Variants in NOTUM observed in about 807,000 individuals in gnomAD.
NOTUM encodes the protein palmitoleoyl-protein carboxylesterase NOTUM.
A neutral mutation model predicts 65.5 loss-of-function variants in NOTUM; 36 were observed. That is an observed-to-expected ratio of 0.55 (90% CI 0.42 to 0.73). The LOEUF is 0.73. Among genes scored for constraint, NOTUM ranks in the 30% least tolerant of loss-of-function variants. The pLI is 0.00. For missense variants in NOTUM, 659 were observed against 694.2 expected (o/e 0.95, Z 0.57); for synonymous variants, 356 against 297.9 (o/e 1.20, Z -2.01).
Position 81,953,205 on chromosome 17 carries a change from C to T in NOTUM, c.1247G>A (p.Arg416Lys). 6.2e-7 allele frequency: 1 copy of T among 1,612,870 alleles called. No individual in the cohort carries two copies. The change falls in exon 11 of 11, where the codon AGG becomes AAG. Residue 416 changes from arginine (R) to lysine (K), a missense_variant. By Grantham distance (26) the Arg-to-Lys change is conservative. Transcript: ENST00000409678. ...SLPRALHCWD[R>K]SLHDSHKASK... ...GGCCTTGTGGCTGTCATGGAGGCTCCTGTCCCAGCAGTGCAGTGCTCGGGG... is the reference window on the plus strand; with the variant it reads ...GGCCTTGTGGCTGTCATGGAGGCTCTTGTCCCAGCAGTGCAGTGCTCGGGG...
rs1023677903 is a variant in NOTUM at position 81,952,795 on chromosome 17, G to A, written c.*166C>T. ...TGTCTCTGGCTGGGCTGTGGGAGAG[G>A]GGCAGGGAAAGCCGGGGCAGGAGGG... On this transcript the variant is annotated 3_prime_UTR_variant, in exon 11 of 11. Coordinates refer to ENST00000409678, the MANE Select transcript of NOTUM (RefSeq NM_178493.6). 9 of 635,940 alleles carry A rather than the reference G, an allele frequency of 1.4e-5. No individual in the cohort carries two copies. Among genetic ancestry groups the A allele is most frequent in the Non-Finnish European group, 2.2e-5 (8 of 361,526 alleles). 39.4% of individuals were successfully genotyped at this position (635,940 alleles called of 1,614,324 possible). A position where few individuals can be genotyped will look rare whatever the true frequency, so the allele number is the denominator to read the frequency against.
At chr17:81,953,976 C>T (rs2041408561) in intron 10 of NOTUM, among the ~76,000 whole-genome samples, 1 of 151,906 alleles carries the variant, frequency 6.6e-6, no homozygotes, top group African/African-American at 2.4e-5. Context: ...CAGGGTTTCA[C>T]TATATTGGCC....
intron 6 of NOTUM, among the ~76,000 whole-genome samples, chr17:81,957,391 T>A (rs2041441505): frequency 6.6e-6 from 1 of 151,958 alleles, no homozygotes; most frequent in Non-Finnish European, 1.5e-5. Context: ...TCAGGCCCCA[T>A]CATCTATTCC....
At chr17:81,953,885 G>A (rs939967373) in intron 10 of NOTUM, among the ~76,000 whole-genome samples, 2 of 151,444 alleles carry the variant, frequency 1.3e-5, no homozygotes, top group South Asian at 2.1e-4. Flanking sequence ...AGGTTCAAGC[G>A]ATTCTCCTGC....
Position 81,960,507 on chromosome 17 carries a change from C to A in NOTUM, c.323+80G>T. On this transcript the variant is annotated intron_variant, in intron 1 of 10. Coordinates refer to ENST00000409678, the MANE Select transcript of NOTUM (RefSeq NM_178493.6). This position sits in a 1 kb window ranked among gnomAD's most constrained non-coding sequence, Gnocchi z 6.4. ...AAGCCCTTTCTCCCCGGGGAGAGAA[C>A]GGCCGCGGCCCGCAGGGAAGGTCCA... is the stretch of plus-strand genomic sequence containing the variant. The A allele has an allele frequency of 9.5e-7, 1 of 1,055,284 alleles. No individual in the cohort carries two copies. The highest frequency in any genetic ancestry group is 1.8e-5 in the South Asian group (1 of 55,022). 65.4% of individuals were successfully genotyped at this position (1,055,284 alleles called of 1,614,324 possible). A position where few individuals can be genotyped will look rare whatever the true frequency, so the allele number is the denominator to read the frequency against.
intron 4 of NOTUM, among the ~76,000 whole-genome samples, chr17:81,958,706 T>A (rs921272689): frequency 6.8e-6 from 1 of 147,640 alleles, no homozygotes; most frequent in African/African-American, 2.5e-5. Flanking sequence ...AAGGACCATC[T>A]CAGGATAGAC....
rs974889235 is a variant in NOTUM, at chr17:81,961,091, G to C, written c.-182C>G. 3.3e-4 allele frequency: 53 copies of C among 162,912 alleles called. No individual in the cohort carries two copies. Among genetic ancestry groups the C allele is most frequent in the Middle Eastern group, 6.1e-3 (2 of 328 alleles). 10.1% of individuals were successfully genotyped at this position (162,912 alleles called of 1,614,324 possible). ...CGCGCGGCTCGGCGTCGAGGCGCTCGGGGCCGGGTGCCGTCGGCCTCCGCA... is the reference window on the plus strand; with the variant it reads ...CGCGCGGCTCGGCGTCGAGGCGCTCCGGGCCGGGTGCCGTCGGCCTCCGCA... On this transcript the variant is annotated 5_prime_UTR_variant, in exon 1 of 11. Transcript: ENST00000409678.
chr17:81,955,200 C>T (rs972565634), intron 9 of NOTUM, among the ~76,000 whole-genome samples, 197 bp downstream of exon 9: 3 of 152,034 alleles, frequency 2.0e-5, no homozygotes, highest in African/African-American at 7.2e-5. Context: ...AGGCTGGTCT[C>T]GCACTCCTGA....
chr17:81,959,750 G>A, intron 1 of NOTUM, 58 bp from the exon 2 acceptor site: 2 of 1,084,680 alleles, frequency 1.8e-6, no homozygotes, highest in Non-Finnish European at 1.2e-6. Flanking sequence ...GCCGCGCCCC[G>A]CGCGCCCAGC....
rs1425411002 is a variant in NOTUM at position 81,955,425 on chromosome 17, C to T, written c.1108G>A (p.Glu370Lys). 9.8e-5 allele frequency: 156 copies of T among 1,593,272 alleles called. 2 individuals are homozygous for T. The highest frequency in any genetic ancestry group is 1.3e-4 in the Non-Finnish European group (152 of 1,170,810). ...ACGTCCTTGAGTGTGTGGCGCAGCT[C>T]GCGGCCGAGGTTCTGGATGTACAGC... Reference protein sequence around the residue: ...LRLYIQNLGRELRHTLKDVPA... With the variant: ...LRLYIQNLGRKLRHTLKDVPA... Residue 370 changes from glutamate (E) to lysine (K), a missense_variant, in exon 9 of 11, where the codon GAG becomes AAG. Physicochemically the swap from Glu to Lys is moderately conservative, Grantham distance 56 (BLOSUM62 1). Transcript: ENST00000409678.
chr17:81,957,114 G>A lies in NOTUM; in HGVS notation c.696-40C>T, dbSNP rs776911948. 5 of 1,545,150 alleles carry A rather than the reference G, an allele frequency of 3.2e-6. No homozygotes were observed. In the South Asian group the frequency reaches 3.5e-5, roughly 11 times the overall value. Reference sequence around the variant, plus strand: ...AGACGTGAGGCCAGGTGGCTGGGAAGAGGCACTCACCTCCCCCGAGTCTGC... The same window carrying A: ...AGACGTGAGGCCAGGTGGCTGGGAAAAGGCACTCACCTCCCCCGAGTCTGC... On this transcript the variant is annotated intron_variant, in intron 6 of 10. Coordinates refer to ENST00000409678, the MANE Select transcript of NOTUM (RefSeq NM_178493.6).
chr17:81,959,782 C>A lies in NOTUM; in HGVS notation c.324-90G>T, dbSNP rs1036746909. ...CAGCTCCGGCGGAGGGAACGCGCCACCTGTTCCGGCCGCGCGCGACGGTCG... is the reference window on the plus strand; with the variant it reads ...CAGCTCCGGCGGAGGGAACGCGCCAACTGTTCCGGCCGCGCGCGACGGTCG... On this transcript the variant is annotated intron_variant, in intron 1 of 10. Coordinates refer to ENST00000409678, the MANE Select transcript of NOTUM (RefSeq NM_178493.6). 6.4e-5 allele frequency: 46 copies of A among 718,980 alleles called. No individual in the cohort carries two copies. In the Admixed American group the frequency reaches 1.6e-3, roughly 25 times the overall value. The allele number at this position is 718,980 out of a possible 1,614,324, so 44.5% of individuals were successfully genotyped here.
chr17:81,953,600 T>TTTTTG (rs1263780579), intron 10 of NOTUM, among the ~76,000 whole-genome samples: 3 of 151,692 alleles, frequency 2.0e-5, no homozygotes, highest in Non-Finnish European at 2.9e-5. Flanking sequence ...AGCCTGGGTT[T>TTTTTG]TTTTGTTTTG....
intron 8 of NOTUM, 123 bp from the exon 9 acceptor site, chr17:81,955,667 C>T: frequency 1.2e-6 from 1 of 867,526 alleles, no homozygotes; most frequent in South Asian, 1.8e-5. Flanking sequence ...GCTCAGCACC[C>T]CCAGGCCCCT....
intron 9 of NOTUM, 25 bp downstream of exon 9, chr17:81,955,372 G>C: frequency 6.5e-7 from 1 of 1,535,942 alleles, no homozygotes; most frequent in Non-Finnish European, 8.8e-7. Flanking sequence ...ACCCGGCGTG[G>C]GGCTCCCGGG....
Position 81,955,387 on chromosome 17 carries a change from A to G in NOTUM, c.1136+10T>C. On this transcript the variant is annotated intron_variant, in intron 9 of 10. Transcript: ENST00000409678. The stretch of plus-strand genomic sequence containing the variant: ...ACCCGGCGTGGGGCTCCCGGGGCCC[A>G]CACACTCACGGCACGTCCTTGAGTG... 6.4e-7 allele frequency: 1 copy of G among 1,560,230 alleles called. No individual in the cohort carries two copies. Among genetic ancestry groups the G allele is most frequent in the African/African-American group, 1.4e-5 (1 of 73,696 alleles).
In NOTUM at chr17:81,960,549, G is replaced by A. The variant is rs1442551752; in HGVS notation, c.323+38C>T. ...GAAGGTCCAGCCGGAGACCGGGCGCGTCGGGCGGGGCGGGGAGGTGCAGGG... is the reference window on the plus strand; with the variant it reads ...GAAGGTCCAGCCGGAGACCGGGCGCATCGGGCGGGGCGGGGAGGTGCAGGG... On this transcript the variant is annotated intron_variant, in intron 1 of 10. Coordinates refer to ENST00000409678, the MANE Select transcript of NOTUM (RefSeq NM_178493.6). This position sits in a 1 kb window ranked among gnomAD's most constrained non-coding sequence, Gnocchi z 6.4. 5.8e-6 allele frequency: 8 copies of A among 1,370,828 alleles called. No individual in the cohort carries two copies. In the African/African-American group the frequency reaches 6.0e-5, roughly 10 times the overall value. The allele number at this position is 1,370,828 out of a possible 1,614,324, so 84.9% of individuals were successfully genotyped here.
In NOTUM at chr17:81,954,288, G is replaced by A. The variant is rs79066457; in HGVS notation, c.1152C>T (p.Pro384=). The A allele has an allele frequency of 0.069, 112,011 of 1,612,158 alleles. 5,935 individuals carry two copies. The highest frequency in any genetic ancestry group is 0.23 in the African/African-American group (17,576 of 74,918). Residue 384 remains proline, a synonymous_variant, in exon 10 of 11, where the codon CCC becomes CCT. Coordinates refer to ENST00000409678, the MANE Select transcript of NOTUM (RefSeq NM_178493.6). The part of the protein sequence containing the change: ...TLKDVPASFA[P]ACLSHEIIIR... ...TGATGATCTCATGGGAGAGGCAGGCGGGGGCAAAGCTGGCCCTGTTGGAGA... is the reference window on the plus strand; with the variant it reads ...TGATGATCTCATGGGAGAGGCAGGCAGGGGCAAAGCTGGCCCTGTTGGAGA...
intron 3 of NOTUM, 170 bp from the exon 4 acceptor site, chr17:81,959,165 G>A (rs2041455418): frequency 6.2e-6 from 4 of 649,244 alleles, no homozygotes; most frequent in Non-Finnish European, 1.1e-5. Context: ...GTTGGGTTTA[G>A]TTACCCCCGG....
Sources: allele counts gnomAD v4.1 joint callset (sites outside exome capture counted in the v4.1 genomes callset), GRCh38; gene constraint gnomAD v4.1.1; non-coding constraint Gnocchi (gnomAD v3.1); transcripts MANE v1.5; gene names NCBI Gene and HGNC (gene_info 2026-07-23, HGNC 2026-07-21).